Variants in ZNF549 observed in about 807,000 individuals in gnomAD.
The protein encoded by ZNF549 is zinc finger protein 549.
A neutral mutation model predicts 11.1 loss-of-function variants in ZNF549; 11 were observed. That is an observed-to-expected ratio of 0.99 (90% CI 0.62 to 1.64). The LOEUF is 1.64. Ranked by LOEUF, ZNF549 falls within the 40% of genes most tolerant of loss-of-function variation. The probability of loss-of-function intolerance (pLI) is 0.00; values close to 1 mark genes in which losing one functional copy is unlikely to be tolerated. For missense variants in ZNF549, 748 were observed against 765.1 expected (o/e 0.98, Z 0.26); for synonymous variants, 266 against 269.1 (o/e 0.99, Z 0.11).
Position 57,538,158 on chromosome 19 carries a change from G to C in ZNF549, c.1154G>C (p.Gly385Ala). Residue 385 changes from glycine (G) to alanine (A), a missense_variant, in exon 4 of 4, where the codon GGA becomes GCA. Coordinates refer to ENST00000376233, the MANE Select transcript of ZNF549 (RefSeq NM_001199295.2). ...DRIRHQRVHT[G>A]EGAYQCSECG... ...ATTCGACACCAGAGAGTTCACACTGGAGAAGGGGCTTATCAGTGCAGTGAA... is the reference window on the plus strand; with the variant it reads ...ATTCGACACCAGAGAGTTCACACTGCAGAAGGGGCTTATCAGTGCAGTGAA... The C allele has an allele frequency of 6.2e-7, 1 of 1,614,192 alleles. No homozygotes were observed. The highest frequency in any genetic ancestry group is 8.5e-7 in the Non-Finnish European group (1 of 1,180,032).
chr19:57,527,736 A>G (rs982356311), intron 1 of ZNF549, 130 bp downstream of exon 1: 1 of 1,146,818 alleles, frequency 8.7e-7, no homozygotes. Context: ...CTCAGAGCTG[A>G]CGGGCGGTGA....
chr19:57,534,566 C>T (rs1391215721), intron 2 of ZNF549, among the ~76,000 whole-genome samples: 2 of 152,076 alleles, frequency 1.3e-5, no homozygotes, highest in African/African-American at 2.4e-5. Context: ...ACAGCACAGG[C>T]AACACTAAGG....
chr19:57,534,093 C>A (rs536522684), intron 2 of ZNF549, among the ~76,000 whole-genome samples: 7 of 152,136 alleles, frequency 4.6e-5, no homozygotes, highest in African/African-American at 1.7e-4. Flanking sequence ...TTAAGAGGAA[C>A]ACTCTTCAGG....
In ZNF549 at chr19:57,538,155, C is replaced by A; in HGVS notation, c.1151C>A (p.Thr384Asn). 6.2e-7 allele frequency: 1 copy of A among 1,614,192 alleles called. No individual in the cohort carries two copies. Among genetic ancestry groups the A allele is most frequent in the South Asian group, 1.1e-5 (1 of 91,084 alleles). ...CGCATTCGACACCAGAGAGTTCACA[C>A]TGGAGAAGGGGCTTATCAGTGCAGT... is the stretch of plus-strand genomic sequence containing the variant. ...YDRIRHQRVH[T>N]GEGAYQCSEC... is the part of the protein sequence containing the mutation. Residue 384 changes from threonine (T) to asparagine (N), a missense_variant, in exon 4 of 4, where the codon ACT becomes AAT. Thr to Asn is a moderately conservative substitution (Grantham distance 65). Coordinates refer to ENST00000376233, the MANE Select transcript of ZNF549 (RefSeq NM_001199295.2).
chr19:57,533,264 C>T (rs1192808734), intron 2 of ZNF549, among the ~76,000 whole-genome samples: 1 of 152,146 alleles, frequency 6.6e-6, no homozygotes, highest in African/African-American at 2.4e-5. Flanking sequence ...TGAGCCTGTT[C>T]CTCTTGACTG....
At chr19:57,534,843 C>G (rs150475266) in intron 2 of ZNF549, among the ~76,000 whole-genome samples, 1 of 152,194 alleles carries the variant, frequency 6.6e-6, no homozygotes, top group East Asian at 1.9e-4. Flanking sequence ...GTAGCAGTCA[C>G]GATCTGGAGA....
At chr19:57,531,224 C>T (rs916022945) in intron 2 of ZNF549, 116 bp downstream of exon 2, 1 of 1,043,754 alleles carries the variant, frequency 9.6e-7, no homozygotes, top group South Asian at 1.4e-5. Flanking sequence ...TCTTGGGTCC[C>T]TGGGGCCACC....
intron 2 of ZNF549, among the ~76,000 whole-genome samples, chr19:57,532,805 T>G (rs1380231371): frequency 2.6e-5 from 4 of 152,354 alleles, no homozygotes; most frequent in Non-Finnish European, 5.9e-5. Context: ...CTACTGTATC[T>G]GTCAGTAACA....
rs779664770 is a variant in ZNF549 at position 57,531,136 on chromosome 19, C to G, written c.72+28C>G. The G allele has an allele frequency of 1.9e-6, 3 of 1,597,280 alleles. No homozygotes were observed. In the Admixed American group the frequency reaches 5.0e-5, roughly 27 times the overall value. On this transcript the variant is annotated intron_variant, in intron 2 of 3. Transcript: ENST00000376233. ...AAGTGGAAGAAGTCCCAGGTCTTCA[C>G]TGGCCCTGTTCCCTAAAGCCATGGG...
rs770861627 is a variant in ZNF549 at position 57,538,374 on chromosome 19, C to T, written c.1370C>T (p.Ser457Leu). The T allele has an allele frequency of 1.5e-5, 24 of 1,613,642 alleles. No homozygotes were observed. The Middle Eastern group carries it at 4.9e-4, about 33-fold the overall frequency. Residue 457 changes from serine to leucine, a missense_variant, in exon 4 of 4, where the codon TCG (serine) becomes TTG (leucine). Physicochemically the swap from Ser to Leu is moderately radical, Grantham distance 145. Coordinates refer to ENST00000376233, the MANE Select transcript of ZNF549 (RefSeq NM_001199295.2). ...ATATGTGGGAAATCATTTATCCGCT[C>T]GTCTGACTACATGCGACACCAGAGA... ...CIICGKSFIR[S>L]SDYMRHQRIH...
At chr19:57,531,199 A>T in intron 2 of ZNF549, 91 bp downstream of exon 2, 1 of 1,419,474 alleles carries the variant, frequency 7.0e-7, no homozygotes, top group Non-Finnish European at 9.7e-7. Flanking sequence ...ATGTCCTGGG[A>T]CTCTTTTTCC....
rs756279291 is a variant in ZNF549 at position 57,535,215 on chromosome 19, A to G, written c.144A>G (p.Gln48=). The change falls in exon 3 of 4, where the codon CAA becomes CAG. Residue 48 remains glutamine (Q), a synonymous_variant. Coordinates refer to ENST00000376233, the MANE Select transcript of ZNF549 (RefSeq NM_001199295.2). Reference sequence around the variant, plus strand: ...AGTGGGGCCTCCTTGATGAAGCTCAAAGGTGCCTGTATCATGATGTGATGC... The same window carrying G: ...AGTGGGGCCTCCTTGATGAAGCTCAGAGGTGCCTGTATCATGATGTGATGC... ...QEEWGLLDEA[Q]RCLYHDVMLE... 15 of 1,614,070 alleles carry G rather than the reference A, an allele frequency of 9.3e-6. No homozygotes were observed. The highest frequency in any genetic ancestry group is 1.3e-5 in the African/African-American group (1 of 75,020).
intron 1 of ZNF549, among the ~76,000 whole-genome samples, chr19:57,529,714 G>A (rs942000836): frequency 2.0e-4 from 30 of 151,806 alleles, no homozygotes; most frequent in Non-Finnish European, 3.1e-4. Context: ...GTGAAACCCC[G>A]TCTCTACTAA....
At chr19:57,536,166 T>G (rs1307811900) in intron 3 of ZNF549, among the ~76,000 whole-genome samples, 3 of 152,198 alleles carry the variant, frequency 2.0e-5, no homozygotes, top group African/African-American at 7.2e-5. Flanking sequence ...CCTAATGTAT[T>G]TAATATTATG....
In ZNF549 at chr19:57,538,071, C is replaced by G. The variant is rs1447158669; in HGVS notation, c.1067C>G (p.Thr356Ser). ...TFVGHQQRIH[T>S]GERPYVCMEC... ...GTTGGCCATCAGCAGAGAATCCACA[C>G]TGGAGAGAGGCCTTATGTGTGTATG... Residue 356 changes from threonine (T) to serine (S), a missense_variant, in exon 4 of 4, where the codon ACT (threonine) becomes AGT (serine). By Grantham distance (58) the Thr-to-Ser change is moderately conservative. Transcript: ENST00000376233. 6.2e-7 allele frequency: 1 copy of G among 1,614,020 alleles called. No individual in the cohort carries two copies. Among genetic ancestry groups the G allele is most frequent in the Non-Finnish European group, 8.5e-7 (1 of 1,180,012 alleles).
At chr19:57,533,454 T>G (rs1011659307) in intron 2 of ZNF549, among the ~76,000 whole-genome samples, 3 of 152,232 alleles carry the variant, frequency 2.0e-5, no homozygotes, top group South Asian at 4.1e-4. Flanking sequence ...AGGCTTTGTT[T>G]AGAGGAACAC....
chr19:57,530,988 G>T, intron 1 of ZNF549, 82 bp from the exon 2 acceptor site: 2 of 1,355,378 alleles, frequency 1.5e-6, no homozygotes, highest in Non-Finnish European at 2.1e-6. Context: ...TTTGTCTAGT[G>T]TCACACAGTT....
rs756325733 is a variant in ZNF549, at chr19:57,539,767, G to A, written c.*840G>A. On this transcript the variant is annotated 3_prime_UTR_variant, in exon 4 of 4. Transcript: ENST00000376233. ...TCCCAGGTCCTTCATTGTAGCCATG[G>A]GCACTGAAGGACTGAATTGGTAGGT... 4 of 152,192 alleles carry A rather than the reference G, an allele frequency of 2.6e-5. No individual in the cohort carries two copies. The highest frequency in any genetic ancestry group is 5.9e-5 in the Non-Finnish European group (4 of 68,042). 9.4% of individuals were successfully genotyped at this position (152,192 alleles called of 1,614,324 possible). A position where few individuals can be genotyped will look rare whatever the true frequency, so the allele number is the denominator to read the frequency against.
At chr19:57,532,093 G>A (rs907474152) in intron 2 of ZNF549, among the ~76,000 whole-genome samples, 2 of 152,036 alleles carry the variant, frequency 1.3e-5, no homozygotes, top group East Asian at 1.9e-4. Context: ...TGTTCCATGC[G>A]TTGTCTTGTT....
Sources: allele counts gnomAD v4.1 joint callset (sites outside exome capture counted in the v4.1 genomes callset), GRCh38; gene constraint gnomAD v4.1.1; transcripts MANE v1.5; gene names NCBI Gene and HGNC (gene_info 2026-07-23, HGNC 2026-07-21).